The following CSMD3 variants were observed in gnomAD, a reference collection of about 807,000 sequenced individuals.
CSMD3 encodes the protein CUB and sushi domain-containing protein 3.
A neutral mutation model predicts 435.2 loss-of-function variants in CSMD3; 177 were observed. The observed-to-expected ratio is 0.41, with a 90% CI of 0.36 to 0.46. The LOEUF (loss-of-function observed/expected upper bound fraction) is 0.46, where lower values mean the gene tolerates loss of function less well. Ranked by LOEUF, CSMD3 falls within the 20% of genes least tolerant of loss-of-function variation. The pLI is 0.34. For synonymous variants in CSMD3, 1,656 were observed against 1,520.5 expected (o/e 1.09, Z -2.07); for missense variants, 4,265 against 4,504.6 (o/e 0.95, Z 1.52).
intron 8 of CSMD3, among the ~76,000 whole-genome samples, chr8:112,953,701 G>A (rs1421433366): frequency 6.6e-6 from 1 of 151,190 alleles, no homozygotes; most frequent in Non-Finnish European, 1.5e-5. Context: ...GTCAATTACT[G>A]TTTATATGTA....
At chr8:113,163,608 G>A (rs748855083) in intron 4 of CSMD3, among the ~76,000 whole-genome samples, 1 of 151,914 alleles carries the variant, frequency 6.6e-6, no homozygotes, top group Admixed American at 6.6e-5. Flanking sequence ...TAATATTAAT[G>A]CAAAAACATT....
intron 12 of CSMD3, among the ~76,000 whole-genome samples, chr8:112,810,648 G>A (rs1587363229): frequency 6.6e-6 from 1 of 152,004 alleles, no homozygotes; most frequent in African/African-American, 2.4e-5. Flanking sequence ...CTTAAGAGGT[G>A]CCTCATAAGG....
intron 22 of CSMD3, among the ~76,000 whole-genome samples, chr8:112,625,388 A>C (rs1834395115): frequency 6.6e-6 from 1 of 152,114 alleles, no homozygotes; most frequent in South Asian, 2.1e-4. Context: ...TGAAAATCAA[A>C]CATTTTTGAG....
intron 20 of CSMD3, among the ~76,000 whole-genome samples, chr8:112,641,164 G>A (rs980311345): frequency 2.0e-5 from 3 of 152,058 alleles, no homozygotes; most frequent in African/African-American, 7.2e-5. Context: ...CCCAAAATGA[G>A]AGCTAATGTT....
At chr8:113,100,385 G>A (rs1048917179) in intron 4 of CSMD3, among the ~76,000 whole-genome samples, 5 of 151,926 alleles carry the variant, frequency 3.3e-5, no homozygotes, top group Admixed American at 6.6e-5. Flanking sequence ...CTGTCCTGCC[G>A]TCTCTACCCT....
intron 5 of CSMD3, among the ~76,000 whole-genome samples, chr8:113,032,162 G>A (rs2087138632): frequency 1.3e-5 from 2 of 151,538 alleles, no homozygotes; most frequent in Non-Finnish European, 2.9e-5. Flanking sequence ...TACTAGTAGA[G>A]CGAGTTACTC....
chr8:113,278,314 A>G (rs1312085116), intron 3 of CSMD3, among the ~76,000 whole-genome samples: 1 of 151,812 alleles, frequency 6.6e-6, no homozygotes, highest in Admixed American at 6.6e-5. Flanking sequence ...TGCCTGACAC[A>G]CAAATCAGGT....
chr8:112,310,005 A>G (rs1287624872), intron 50 of CSMD3, among the ~76,000 whole-genome samples: 1 of 152,162 alleles, frequency 6.6e-6, no homozygotes, highest in African/African-American at 2.4e-5. Flanking sequence ...CAAAGTTGCT[A>G]TCTGCATCTT....
At chr8:112,281,868 G>T (rs779001579) in intron 58 of CSMD3, among the ~76,000 whole-genome samples, 8 of 151,986 alleles carry the variant, frequency 5.3e-5, no homozygotes, top group Non-Finnish European at 8.8e-5. Context: ...TCTATTTCTA[G>T]ACCAGAGTAC....
chr8:113,229,193 A>T (rs2093058702), intron 3 of CSMD3, among the ~76,000 whole-genome samples: 1 of 151,628 alleles, frequency 6.6e-6, no homozygotes, highest in African/African-American at 2.4e-5. Context: ...TACATATGAA[A>T]AGCCACAGAT....
rs746159737 is a variant in CSMD3, at chr8:112,346,115, T to C, written c.6424A>G (p.Asn2142Asp). Residue 2142 changes from asparagine to aspartate, a missense_variant, in exon 41 of 71, where the codon AAT (asparagine) becomes GAT (aspartate). Around this residue, in one of 3 missense-constraint regions of CSMD3, gnomAD observed 3,255 missense variants for 3,380.2 expected, o/e 0.96. Transcript: ENST00000297405. Reference protein sequence around the residue: ...PSSLDCTWTINLPIGFGVHLQ... With the variant: ...PSSLDCTWTIDLPIGFGVHLQ... ...CACATACCAAAACCTATGGGTAGAT[T>C]TATTGTCCATGTGCAATCTAAACTG... The C allele has an allele frequency of 6.3e-7, 1 of 1,597,538 alleles. No individual in the cohort carries two copies. Among genetic ancestry groups the C allele is most frequent in the Admixed American group, 1.7e-5 (1 of 60,008 alleles).
intron 4 of CSMD3, 64 bp from the exon 5 acceptor site, chr8:113,099,027 A>G (rs2090251253): frequency 4.0e-6 from 4 of 999,724 alleles, no homozygotes; most frequent in Non-Finnish European, 6.4e-6. Flanking sequence ...TTCAGTTGTA[A>G]GTAAAGCAAG....
At chr8:112,237,053 A>G in intron 67 of CSMD3, 137 bp downstream of exon 67, 1 of 919,370 alleles carries the variant, frequency 1.1e-6, no homozygotes, top group Non-Finnish European at 1.7e-6. Flanking sequence ...CTTGGTTCTG[A>G]GTGAATATGA....
intron 3 of CSMD3, among the ~76,000 whole-genome samples, chr8:113,216,604 C>T (rs922322316): frequency 5.9e-5 from 9 of 151,832 alleles, no homozygotes; most frequent in Admixed American, 1.3e-4. Flanking sequence ...TAAAAGTGGA[C>T]AAACAATATA....
chr8:113,251,439 T>G (rs2093334264), intron 3 of CSMD3, among the ~76,000 whole-genome samples: 1 of 151,978 alleles, frequency 6.6e-6, no homozygotes. Context: ...CTCCTTAATT[T>G]TAATTTATTC....
chr8:112,711,270 A>AT (rs1161622487), intron 13 of CSMD3, among the ~76,000 whole-genome samples: 1 of 152,028 alleles, frequency 6.6e-6, no homozygotes, highest in Non-Finnish European at 1.5e-5. Context: ...TCATGAAGAG[A>AT]TTTTCCTTGA....
At chr8:113,173,602 G>A (rs945694801) in intron 4 of CSMD3, 120 bp downstream of exon 4, 28 of 821,402 alleles carry the variant, frequency 3.4e-5, no homozygotes, top group Non-Finnish European at 3.7e-5. Flanking sequence ...GATTACAGGC[G>A]TGAGTCACCA....
intron 13 of CSMD3, among the ~76,000 whole-genome samples, chr8:112,784,624 C>T (rs1189614189): frequency 6.6e-6 from 1 of 151,828 alleles, no homozygotes; most frequent in Non-Finnish European, 1.5e-5. Context: ...TCATTAGATG[C>T]TACTGTGAGC....
chr8:112,783,737 T>C (rs1367661318), intron 13 of CSMD3, among the ~76,000 whole-genome samples: 1 of 151,370 alleles, frequency 6.6e-6, no homozygotes, highest in Non-Finnish European at 1.5e-5. Context: ...TGAAAATACA[T>C]GGATGGAAAA....
Sources: gnomAD v4.1 joint callset for allele counts (sites outside exome capture counted in the v4.1 genomes callset) on GRCh38, gnomAD v4.1.1 for gene constraint, gnomAD v4.1.1 regional missense constraint, MANE v1.5 for transcripts, NCBI Gene and HGNC (gene_info 2026-07-23, HGNC 2026-07-21) for gene names.